The following SLC44A3 variants were observed in gnomAD, a reference collection of about 807,000 sequenced individuals.
SLC44A3 encodes choline transporter-like protein 3.
A neutral mutation model predicts 75.4 loss-of-function variants in SLC44A3; 74 were observed. The observed-to-expected ratio is 0.98, with a 90% CI of 0.81 to 1.19. The LOEUF is 1.19. Ranked by LOEUF, SLC44A3 falls within the 50% of genes most tolerant of loss-of-function variation. The pLI, the probability that SLC44A3 is intolerant of heterozygous loss-of-function variation, is 0.00. For synonymous variants in SLC44A3, 310 were observed against 296.9 expected, an observed-to-expected ratio of 1.04 and a Z score of -0.45; for missense variants, 700 against 778.6, an observed-to-expected ratio of 0.90 and a Z score of 1.20.
intron 6 of SLC44A3, chr1:94,839,130 G>A (rs1026910287): frequency 9.9e-5 from 15 of 152,178 alleles, no homozygotes; most frequent in African/African-American, 3.1e-4. Flanking sequence ...TGATCTAGAT[G>A]CAATCCTGAT....
chr1:94,869,976 A>G (rs1313205375), intron 12 of SLC44A3, among the ~76,000 whole-genome samples: 1 of 152,206 alleles, frequency 6.6e-6, no homozygotes, highest in Non-Finnish European at 1.5e-5. Flanking sequence ...AACATCAAGG[A>G]GATGGTTGTG....
intron 1 of SLC44A3, 73 bp downstream of exon 1, chr1:94,820,551 T>C: frequency 1.4e-6 from 2 of 1,449,352 alleles, no homozygotes; most frequent in Non-Finnish European, 1.8e-6. Context: ...TTCACGCACC[T>C]TCCCTGCCGG....
At chr1:94,890,587 G>A (rs867643382) in intron 12 of SLC44A3, among the ~76,000 whole-genome samples, 15 of 152,326 alleles carry the variant, frequency 9.8e-5, no homozygotes, top group Middle Eastern at 3.4e-3. Flanking sequence ...CTAATTGCAT[G>A]CCTGTTGCAC....
intron 13 of SLC44A3, 86 bp downstream of exon 13, chr1:94,891,353 T>G: frequency 7.3e-7 from 1 of 1,376,046 alleles, no homozygotes; most frequent in Non-Finnish European, 9.9e-7. Context: ...CTATATTTCT[T>G]GAGTACTTAC....
In SLC44A3 at chr1:94,828,523, C is replaced by G. The variant is rs1279959316; in HGVS notation, c.446C>G (p.Ser149Cys). ...GSFLCVYSLN[S>C]FNYTHSPKAD... ...TTCCTGTGTGTTTATAGTTTGAATTCCTTCAACTATACCCACAGTCCAAAA... is the reference window on the plus strand; with the variant it reads ...TTCCTGTGTGTTTATAGTTTGAATTGCTTCAACTATACCCACAGTCCAAAA... The change falls in exon 5 of 15, where the codon TCC becomes TGC. Residue 149 changes from serine (S) to cysteine (C), a missense_variant. Transcript: ENST00000271227. 1.9e-6 allele frequency: 3 copies of G among 1,613,792 alleles called. No individual in the cohort carries two copies. Among genetic ancestry groups the G allele is most frequent in the Admixed American group, 1.7e-5 (1 of 59,986 alleles).
chr1:94,887,780 A>G (rs1315099307), intron 12 of SLC44A3, among the ~76,000 whole-genome samples: 1 of 152,168 alleles, frequency 6.6e-6, no homozygotes, highest in Non-Finnish European at 1.5e-5. Context: ...AGGCAGAGAC[A>G]GAGGCTGAGC....
chr1:94,865,378 G>A (rs1667037887), intron 11 of SLC44A3, among the ~76,000 whole-genome samples: 1 of 152,140 alleles, frequency 6.6e-6, no homozygotes, highest in Admixed American at 6.5e-5. Context: ...CCTGGTGTGT[G>A]TGAGGAAGAA....
At chr1:94,854,870 G>A (rs978881331) in intron 9 of SLC44A3, among the ~76,000 whole-genome samples, 4 of 152,014 alleles carry the variant, frequency 2.6e-5, no homozygotes, top group East Asian at 1.9e-4. Flanking sequence ...CCTCCAGTGC[G>A]CAGGACAGCC....
At chr1:94,831,757 T>C (rs1662163411) in intron 5 of SLC44A3, among the ~76,000 whole-genome samples, 1 of 152,218 alleles carries the variant, frequency 6.6e-6, no homozygotes, top group Non-Finnish European at 1.5e-5. Context: ...CTGAATTCCA[T>C]ATACCTGGTG....
At chr1:94,857,523 A>G (rs758996255) in intron 10 of SLC44A3, 23 bp downstream of exon 10, 24 of 1,597,482 alleles carry the variant, frequency 1.5e-5, no homozygotes, top group Non-Finnish European at 2.0e-5. Context: ...TTTTTTTTCT[A>G]TTGGTTTGTC....
chr1:94,877,229 G>C (rs1288652735), intron 12 of SLC44A3, among the ~76,000 whole-genome samples: 2 of 151,934 alleles, frequency 1.3e-5, no homozygotes, highest in African/African-American at 2.4e-5. Context: ...CTAATGTGGG[G>C]CTGGAGGAAA....
intron 12 of SLC44A3, among the ~76,000 whole-genome samples, chr1:94,879,214 C>CCA (rs1668655618): frequency 6.7e-6 from 1 of 149,302 alleles, no homozygotes; most frequent in Non-Finnish European, 1.5e-5. Flanking sequence ...ACAACAACTA[C>CCA]AAAAAAAAAA....
rs920169997 is a variant in SLC44A3, at chr1:94,866,213, A to C, written c.1396-1118A>C. On this transcript the variant is annotated intron_variant, in intron 11 of 14. Coordinates refer to ENST00000271227, the MANE Select transcript of SLC44A3 (RefSeq NM_001114106.3). ...ATGTGTGTGTGCGCATTGGTAATAG[A>C]TAATCATAAATTAATGAGCAGCCGG... Among the ~76,000 whole-genome samples the C allele has an allele frequency of 3.9e-5, 6 of 152,312 alleles. No individual in the cohort carries two copies. In the South Asian group the frequency reaches 1.0e-3, roughly 26 times the overall value.
chr1:94,861,582 A>G (rs1475058728), intron 10 of SLC44A3, among the ~76,000 whole-genome samples: 4 of 152,220 alleles, frequency 2.6e-5, no homozygotes, highest in Admixed American at 6.5e-5. Context: ...GCATTTATTA[A>G]AGAGCTCTGC....
chr1:94,822,712 T>A (rs1660780531), intron 2 of SLC44A3, among the ~76,000 whole-genome samples: 1 of 152,198 alleles, frequency 6.6e-6, no homozygotes, highest in Non-Finnish European at 1.5e-5. Context: ...TGCCTCTACT[T>A]ACCCCTCCAG....
chr1:94,820,654 C>T, intron 1 of SLC44A3, 176 bp downstream of exon 1: 1 of 1,386,290 alleles, frequency 7.2e-7, no homozygotes, highest in Middle Eastern at 2.6e-4. Context: ...TGCTCCAGTG[C>T]TGGGGCGGAG....
intron 5 of SLC44A3, among the ~76,000 whole-genome samples, chr1:94,831,677 TC>T (rs1388025018): frequency 1.3e-5 from 2 of 152,280 alleles, no homozygotes; most frequent in South Asian, 2.1e-4. Flanking sequence ...GTGGATATTT[TC>T]CCCCCAGTAA....
At chr1:94,867,522 G>C (rs1667303936) in intron 12 of SLC44A3, 105 bp downstream of exon 12, 2 of 788,282 alleles carry the variant, frequency 2.5e-6, no homozygotes, top group African/African-American at 3.5e-5. Flanking sequence ...GCTAAATTGT[G>C]TAAACATTTT....
At chr1:94,829,578 C>T (rs1434846716) in intron 5 of SLC44A3, among the ~76,000 whole-genome samples, 7 of 152,036 alleles carry the variant, frequency 4.6e-5, no homozygotes, top group African/African-American at 7.3e-5. Context: ...ATTGCCATGG[C>T]GAATGGCTCA....
Sources: allele counts gnomAD v4.1 joint callset (sites outside exome capture counted in the v4.1 genomes callset), GRCh38; gene constraint gnomAD v4.1.1; transcripts MANE v1.5; gene names NCBI Gene and HGNC (gene_info 2026-07-23, HGNC 2026-07-21).